Variants in OPHN1 observed in about 807,000 individuals in gnomAD.
The protein encoded by OPHN1 is oligophrenin-1.
A neutral mutation model predicts 60.7 loss-of-function variants in OPHN1; 11 were observed. That is an observed-to-expected ratio of 0.18 (90% CI 0.11 to 0.30). The LOEUF is 0.30. Ranked by LOEUF, OPHN1 falls within the 10% of genes least tolerant of loss-of-function variation. The pLI is 1.00. For missense variants in OPHN1, 449 were observed against 611.0 expected (o/e 0.73, Z 2.80); for synonymous variants, 226 against 222.6 (o/e 1.02, Z -0.14).
At chrX:68,133,052 C>G in intron 15 of OPHN1, 1 of 501,948 alleles carries the variant, frequency 2.0e-6, no homozygotes, top group Non-Finnish European at 3.6e-6. Context: ...GTCCGCCCCA[C>G]TCGGCAGCAA....
chrX:68,380,326 CTTT>C (rs1260287486), intron 2 of OPHN1, among the ~76,000 whole-genome samples: 1 of 110,908 alleles, frequency 9.0e-6, no homozygotes, highest in Admixed American at 9.7e-5. Flanking sequence ...CTCTTTTCTT[CTTT>C]ATTAGTCTTG....
intron 5 of OPHN1, among the ~76,000 whole-genome samples, chrX:68,250,199 T>A (rs1389667597): frequency 8.9e-6 from 1 of 112,202 alleles, no homozygotes; most frequent in Non-Finnish European, 1.9e-5. Flanking sequence ...GTCATACAGA[T>A]AAATCAATCA....
chrX:68,334,573 A>C (rs1235608029), intron 2 of OPHN1, among the ~76,000 whole-genome samples: 12 of 112,370 alleles, frequency 1.1e-4, no homozygotes, highest in Non-Finnish European at 3.7e-5. Context: ...AGCTGGATTG[A>C]TGTTGAATTT....
At chrX:68,359,657 C>A (rs1326352876) in intron 2 of OPHN1, among the ~76,000 whole-genome samples, 4 of 109,342 alleles carry the variant, frequency 3.7e-5, no homozygotes, top group Non-Finnish European at 5.7e-5. Flanking sequence ...GAGATTGAGA[C>A]CATCCTGGCT....
At chrX:68,210,074 G>T (rs1321626026) in intron 9 of OPHN1, 79 bp downstream of exon 9, 2 of 1,095,708 alleles carry the variant, frequency 1.8e-6, no homozygotes, top group Non-Finnish European at 1.3e-6. Context: ...CAGTAAGGGT[G>T]CCCAAAATTC....
intron 16 of OPHN1, among the ~76,000 whole-genome samples, chrX:68,117,604 A>G (rs2077132657): frequency 3.6e-5 from 4 of 111,871 alleles, no homozygotes; most frequent in Admixed American, 2.9e-4. Context: ...TCGGAAAAAG[A>G]GCCAGTTGAA....
At chrX:68,202,562 C>A (rs919259660) in intron 10 of OPHN1, among the ~76,000 whole-genome samples, 2 of 109,757 alleles carry the variant, frequency 1.8e-5, no homozygotes, top group Non-Finnish European at 3.8e-5. Flanking sequence ...TACAGTAGTG[C>A]GATATCAGCT....
intron 2 of OPHN1, among the ~76,000 whole-genome samples, chrX:68,355,336 G>A (rs1410176545): frequency 8.9e-6 from 1 of 112,162 alleles, no homozygotes; most frequent in Non-Finnish European, 1.9e-5. Flanking sequence ...TGTCCATTGT[G>A]GAAGATTAAT....
chrX:68,147,428 C>T (rs999256151), intron 15 of OPHN1, among the ~76,000 whole-genome samples: 1 of 111,759 alleles, frequency 8.9e-6, no homozygotes, highest in Non-Finnish European at 1.9e-5. Context: ...AACAGGTTTT[C>T]CTGATGTGCT....
intron 14 of OPHN1, among the ~76,000 whole-genome samples, chrX:68,193,213 C>A (rs1483713138): frequency 8.9e-6 from 1 of 112,018 alleles, no homozygotes; most frequent in African/African-American, 3.2e-5. Flanking sequence ...GAGAAGAAAA[C>A]AAACTCTATA....
At chrX:68,222,552 G>A (rs2077666287) in intron 6 of OPHN1, among the ~76,000 whole-genome samples, 1 of 101,143 alleles carries the variant, frequency 9.9e-6, no homozygotes, top group African/African-American at 3.6e-5. Flanking sequence ...ATGATAGACT[G>A]GATTAAGAAA....
At chrX:68,224,486 C>A (rs1347872520) in intron 6 of OPHN1, among the ~76,000 whole-genome samples, 1 of 110,480 alleles carries the variant, frequency 9.1e-6, no homozygotes, top group African/African-American at 3.3e-5. Context: ...GGTAAGACCT[C>A]AATTCTACAA....
chrX:68,142,464 G>A (rs892450561), intron 15 of OPHN1, among the ~76,000 whole-genome samples: 1 of 112,031 alleles, frequency 8.9e-6, no homozygotes, highest in African/African-American at 3.2e-5. Context: ...CATTATTGTG[G>A]AAGCTTATGA....
At chrX:68,291,898 G>A (rs147661023) in intron 3 of OPHN1, among the ~76,000 whole-genome samples, 1,369 of 111,117 alleles carry the variant, frequency 0.012, 19 homozygotes, top group African/African-American at 0.043. Context: ...CCAGTGCATA[G>A]TTTTGGTGCT....
intron 3 of OPHN1, among the ~76,000 whole-genome samples, chrX:68,288,675 A>C (rs1227288233): frequency 9.0e-6 from 1 of 111,040 alleles, no homozygotes; most frequent in Non-Finnish European, 1.9e-5. Flanking sequence ...GAGGCAGGAG[A>C]ATTGCTTGAA....
At chrX:68,251,058 G>T (rs2077831400) in intron 5 of OPHN1, among the ~76,000 whole-genome samples, 1 of 110,173 alleles carries the variant, frequency 9.1e-6, no homozygotes, top group Non-Finnish European at 1.9e-5. Flanking sequence ...CTTGTTCAGG[G>T]CTTTGAAGAA....
intron 2 of OPHN1, among the ~76,000 whole-genome samples, chrX:68,407,648 A>G (rs1433530307): frequency 6.2e-5 from 7 of 112,209 alleles, no homozygotes; most frequent in Non-Finnish European, 1.3e-4. Flanking sequence ...ATCAGAATAA[A>G]TAAGAACCAT....
chrX:68,396,701 G>A (rs1432232540), intron 2 of OPHN1, among the ~76,000 whole-genome samples: 1 of 110,855 alleles, frequency 9.0e-6, no homozygotes, highest in Non-Finnish European at 1.9e-5. Flanking sequence ...TGTAATCCCA[G>A]CTACCCGGGA....
At chrX:68,129,547 T>C (rs1335757615) in intron 15 of OPHN1, among the ~76,000 whole-genome samples, 1 of 112,229 alleles carries the variant, frequency 8.9e-6, no homozygotes, top group Non-Finnish European at 1.9e-5. Flanking sequence ...ATAATAAGAT[T>C]GAAAGTAAAA....
Sources: allele counts gnomAD v4.1 joint callset (sites outside exome capture counted in the v4.1 genomes callset), GRCh38; gene constraint gnomAD v4.1.1; transcripts MANE v1.5; gene names NCBI Gene and HGNC (gene_info 2026-07-23, HGNC 2026-07-21).